TRIO: variants seen among roughly 807,000 people sequenced by gnomAD.
TRIO encodes the protein triple functional domain protein.
TRIO carries 58 observed loss-of-function variants against 351.9 expected under a neutral mutation model. That is an observed-to-expected ratio of 0.16 (90% confidence interval 0.13 to 0.21). The LOEUF is 0.21. Ranked by LOEUF, TRIO falls within the 10% of genes least tolerant of loss-of-function variation. The probability of loss-of-function intolerance (pLI) is 1.00; values close to 1 mark genes in which losing one functional copy is unlikely to be tolerated. For synonymous variants in TRIO, 1,758 were observed against 1,595.7 expected (o/e 1.10, Z -2.42); for missense variants, 3,201 against 4,027.8 (o/e 0.79, Z 5.56).
chr5:14,211,678 T>A (rs139342915), intron 1 of TRIO, among the ~76,000 whole-genome samples: 103 of 150,010 alleles, frequency 6.9e-4, no homozygotes, highest in Middle Eastern at 3.4e-3. Flanking sequence ...TTCTCTTGGC[T>A]AGATCTGCAT....
intron 33 of TRIO, among the ~76,000 whole-genome samples, chr5:14,415,463 G>A (rs1318222091): frequency 6.6e-6 from 1 of 152,162 alleles, no homozygotes; most frequent in East Asian, 1.9e-4. Flanking sequence ...GGGCGGGGGT[G>A]TTCTGAGGAA....
At chr5:14,261,899 C>T (rs1240135272) in intron 1 of TRIO, among the ~76,000 whole-genome samples, 1 of 152,192 alleles carries the variant, frequency 6.6e-6, no homozygotes, top group African/African-American at 2.4e-5. Flanking sequence ...ATGTACTAAT[C>T]AGTCACCAAA....
intron 11 of TRIO, among the ~76,000 whole-genome samples, chr5:14,339,462 G>T (rs192675661): frequency 6.5e-4 from 99 of 152,330 alleles, no homozygotes; most frequent in Non-Finnish European, 1.1e-3. Context: ...AGACTAAGGA[G>T]ACCTTAAATC....
intron 9 of TRIO, among the ~76,000 whole-genome samples, chr5:14,322,458 G>C (rs1739973694): frequency 6.6e-6 from 1 of 152,214 alleles, no homozygotes; most frequent in South Asian, 2.1e-4. Flanking sequence ...CTTTTATGCT[G>C]AATTCCATCT....
intron 1 of TRIO, among the ~76,000 whole-genome samples, chr5:14,148,206 G>A (rs1161813607): frequency 6.6e-6 from 1 of 152,154 alleles, no homozygotes; most frequent in Non-Finnish European, 1.5e-5. Flanking sequence ...GCCGGTGGTG[G>A]TGTTCAAAAT....
chr5:14,203,040 T>C (rs1791231261), intron 1 of TRIO, among the ~76,000 whole-genome samples: 1 of 152,280 alleles, frequency 6.6e-6, no homozygotes, highest in Middle Eastern at 3.4e-3. Context: ...ATAAGTTTTG[T>C]GGTGGTTCGT....
At chr5:14,346,796 C>T (rs1350057462) in intron 11 of TRIO, among the ~76,000 whole-genome samples, 6 of 152,234 alleles carry the variant, frequency 3.9e-5, no homozygotes. Context: ...TAGAATTAGA[C>T]TGTTGAATGG....
Position 14,508,347 on chromosome 5 carries a change from C to G in TRIO, c.9219C>G (p.Arg3073=), listed in dbSNP as rs765051230. 8.7e-6 allele frequency: 14 copies of G among 1,613,914 alleles called. No homozygotes were observed. In the Admixed American group the frequency reaches 1.7e-4, roughly 19 times the overall value. ...TSRLTSFIER[R]KHQNDVRPIR... is the part of the protein sequence containing the mutation. ...GACTGACTTCCTTCATTGAGCGGCG[C>G]AAACACCAGAATGATGTTCGACCTA... Residue 3073 remains arginine, a synonymous_variant, in exon 57 of 57, where the codon CGC becomes CGG. Coordinates refer to ENST00000344204, the MANE Select transcript of TRIO (RefSeq NM_007118.4).
chr5:14,295,213 C>T (rs1038065124), intron 6 of TRIO, among the ~76,000 whole-genome samples: 2 of 152,144 alleles, frequency 1.3e-5, no homozygotes, highest in Admixed American at 6.5e-5. Flanking sequence ...TACCAATATG[C>T]CAAGTTAACA....
chr5:14,506,293 G>C (rs536962432), intron 55 of TRIO, among the ~76,000 whole-genome samples: 94 of 152,312 alleles, frequency 6.2e-4, no homozygotes, highest in African/African-American at 2.1e-3. Context: ...AATAGGATCC[G>C]TTTTCATGAC....
At chr5:14,175,676 T>A (rs1181614225) in intron 1 of TRIO, among the ~76,000 whole-genome samples, 1 of 152,228 alleles carries the variant, frequency 6.6e-6, no homozygotes, top group African/African-American at 2.4e-5. Flanking sequence ...AAACTAGTTT[T>A]ATTTAAAACT....
intron 53 of TRIO, among the ~76,000 whole-genome samples, chr5:14,501,547 A>G (rs902457210): frequency 6.6e-6 from 1 of 152,242 alleles, no homozygotes; most frequent in East Asian, 1.9e-4. Context: ...AGGACTGCCC[A>G]CTGCTATGTG....
chr5:14,413,007 A>G (rs1442606071), intron 33 of TRIO, among the ~76,000 whole-genome samples: 1 of 152,198 alleles, frequency 6.6e-6, no homozygotes, highest in Non-Finnish European at 1.5e-5. Flanking sequence ...AGCATGTTCT[A>G]AGCACTGAAT....
intron 1 of TRIO, among the ~76,000 whole-genome samples, chr5:14,223,902 C>T (rs1792812524): frequency 6.6e-6 from 1 of 151,994 alleles, no homozygotes; most frequent in South Asian, 2.1e-4. Context: ...TTTGATATCC[C>T]CAAAGTCTTG....
intron 1 of TRIO, among the ~76,000 whole-genome samples, chr5:14,171,784 G>T (rs187173599): frequency 7.2e-5 from 11 of 152,258 alleles, no homozygotes; most frequent in African/African-American, 1.9e-4. Flanking sequence ...GGAGCGGGGT[G>T]GGGGGATGGT....
chr5:14,367,501 T>A (rs1310834121), intron 16 of TRIO, among the ~76,000 whole-genome samples: 1 of 152,220 alleles, frequency 6.6e-6, no homozygotes, highest in African/African-American at 2.4e-5. Flanking sequence ...AAAAGCAGCC[T>A]TGTTCACCTT....
chr5:14,321,091 A>G (rs1739837162), intron 9 of TRIO, among the ~76,000 whole-genome samples: 1 of 152,242 alleles, frequency 6.6e-6, no homozygotes, highest in Non-Finnish European at 1.5e-5. Flanking sequence ...AGGAAAAATG[A>G]AAGGTCCTAT....
intron 2 of TRIO, among the ~76,000 whole-genome samples, chr5:14,274,143 A>C (rs1320102296): frequency 6.6e-6 from 1 of 152,214 alleles, no homozygotes; most frequent in Non-Finnish European, 1.5e-5. Flanking sequence ...ATAGGTATTC[A>C]AATTTTTATG....
In TRIO at chr5:14,239,589, T is replaced by C. The variant is rs547917029; in HGVS notation, c.158-31236T>C. 2.8e-4 allele frequency among the ~76,000 whole-genome samples: 42 copies of C among 152,280 alleles called. No homozygotes were observed. The South Asian group carries it at 8.3e-3, about 30-fold the overall frequency. ...CTCATCAGATGCTGCTGCCCCACTT[T>C]ACAGGTAGGGATTCTGAGGCATGGA... On this transcript the variant is annotated intron_variant, in intron 1 of 56. Coordinates refer to ENST00000344204, the MANE Select transcript of TRIO (RefSeq NM_007118.4).
Sources: gnomAD v4.1 joint callset for allele counts (sites outside exome capture counted in the v4.1 genomes callset) on GRCh38, gnomAD v4.1.1 for gene constraint, MANE v1.5 for transcripts, NCBI Gene and HGNC (gene_info 2026-07-23, HGNC 2026-07-21) for gene names.